PCDH7: variants seen among roughly 807,000 people sequenced by gnomAD.
PCDH7 encodes the protein protocadherin-7.
A neutral mutation model predicts 58.9 loss-of-function variants in PCDH7; 17 were observed. That is an observed-to-expected ratio of 0.29 (90% CI 0.20 to 0.43). PCDH7 has a LOEUF of 0.43. PCDH7 is among the 20% of genes least tolerant of loss of function. The pLI is 1.00. For missense variants in PCDH7, 1,274 were observed against 1,441.0 expected, an observed-to-expected ratio of 0.88 and a Z score of 1.88; for synonymous variants, 664 against 616.4, an observed-to-expected ratio of 1.08 and a Z score of -1.14.
At chr4:31,068,573 A>G (rs1758283476) in intron 3 of PCDH7, among the ~76,000 whole-genome samples, 1 of 151,898 alleles carries the variant, frequency 6.6e-6, no homozygotes, top group South Asian at 2.1e-4. Flanking sequence ...GCTGTGGCCA[A>G]ATTTTTCAGT....
intron 3 of PCDH7, among the ~76,000 whole-genome samples, chr4:31,043,073 A>G (rs1376701280): frequency 6.6e-6 from 1 of 152,080 alleles, no homozygotes; most frequent in Non-Finnish European, 1.5e-5. Context: ...TAATTCATGA[A>G]TCCGTGAATG....
chr4:30,985,691 C>A (rs563119739), intron 3 of PCDH7, among the ~76,000 whole-genome samples: 1 of 152,144 alleles, frequency 6.6e-6, no homozygotes, highest in African/African-American at 2.4e-5. Context: ...CCCATCAATA[C>A]GTAGTTGATC....
chr4:30,869,919 A>G (rs561211355), intron 1 of PCDH7, among the ~76,000 whole-genome samples: 46 of 152,210 alleles, frequency 3.0e-4, no homozygotes, highest in African/African-American at 1.1e-3. Context: ...AAGCGTTCCT[A>G]TTTCTCCACA....
intron 3 of PCDH7, among the ~76,000 whole-genome samples, chr4:30,959,259 T>A (rs1020904070): frequency 2.0e-5 from 3 of 149,852 alleles, no homozygotes; most frequent in African/African-American, 7.3e-5. Flanking sequence ...TTTTTTTTTT[T>A]AAGCCAAACA....
chr4:30,781,536 T>C lies in PCDH7; in HGVS notation c.70+56940T>C, dbSNP rs569587009. ...ATTCGTATAATATTTTCTATCTCTC[T>C]ATTTTTTTTTTTTTTTTGAGACGAA... On this transcript the variant is annotated intron_variant, in intron 1 of 3. Transcript: ENST00000509759. Among the ~76,000 whole-genome samples, 23 of 150,192 alleles carry C rather than the reference T, an allele frequency of 1.5e-4. No homozygotes were observed. In the East Asian group the frequency reaches 4.5e-3, roughly 30 times the overall value.
chr4:31,124,214 A>G (rs935250751), intron 3 of PCDH7, among the ~76,000 whole-genome samples: 1 of 152,166 alleles, frequency 6.6e-6, no homozygotes, highest in African/African-American at 2.4e-5. Flanking sequence ...CCTCCTGTCT[A>G]TATCAGTAGT....
At chr4:30,799,510 A>G (rs1182379176) in intron 1 of PCDH7, among the ~76,000 whole-genome samples, 2 of 152,312 alleles carry the variant, frequency 1.3e-5, no homozygotes, top group East Asian at 3.9e-4. Context: ...GGATTATGCT[A>G]TATCATAAAA....
chr4:30,930,117 C>A (rs185236612), intron 2 of PCDH7, among the ~76,000 whole-genome samples: 2 of 152,154 alleles, frequency 1.3e-5, no homozygotes, highest in Non-Finnish European at 2.9e-5. Context: ...GCATGAGAGG[C>A]ATTATATGGA....
intron 1 of PCDH7, among the ~76,000 whole-genome samples, chr4:30,745,973 G>A (rs916211941): frequency 1.3e-5 from 2 of 152,062 alleles, no homozygotes; most frequent in Non-Finnish European, 2.9e-5. Context: ...CCCAGTAGCT[G>A]GGATTACAGG....
At chr4:30,924,759 T>C (rs1743621029) in intron 2 of PCDH7, among the ~76,000 whole-genome samples, 1 of 151,018 alleles carries the variant, frequency 6.6e-6, no homozygotes, top group South Asian at 2.1e-4. Flanking sequence ...CATTTCACAA[T>C]AGAATAAGCA....
At chr4:30,865,725 C>T (rs1433175554) in intron 1 of PCDH7, among the ~76,000 whole-genome samples, 1 of 152,060 alleles carries the variant, frequency 6.6e-6, no homozygotes, top group Non-Finnish European at 1.5e-5. Flanking sequence ...TAGAAATATA[C>T]ATACCTTCTA....
chr4:30,850,575 T>C (rs1732599988), intron 1 of PCDH7, among the ~76,000 whole-genome samples: 1 of 152,114 alleles, frequency 6.6e-6, no homozygotes, highest in Non-Finnish European at 1.5e-5. Flanking sequence ...TTGTTGCTGA[T>C]ATTTCTAGTT....
intron 3 of PCDH7, among the ~76,000 whole-genome samples, chr4:31,037,168 G>A (rs1755478602): frequency 6.6e-6 from 1 of 151,896 alleles, no homozygotes; most frequent in Non-Finnish European, 1.5e-5. Context: ...TTATTTAATT[G>A]TCTCATGTTA....
chr4:30,801,227 A>G (rs1725486771), intron 1 of PCDH7, among the ~76,000 whole-genome samples: 1 of 152,200 alleles, frequency 6.6e-6, no homozygotes, highest in Non-Finnish European at 1.5e-5. Context: ...TTAGTTTTGA[A>G]CATTTTAATA....
At chr4:30,980,067 G>A (rs1045270342) in intron 3 of PCDH7, among the ~76,000 whole-genome samples, 2 of 152,096 alleles carry the variant, frequency 1.3e-5, no homozygotes, top group East Asian at 1.9e-4. Flanking sequence ...GACTAGCAAC[G>A]TTAACAGTTT....
chr4:31,113,836 T>C (rs1044490414), intron 3 of PCDH7, among the ~76,000 whole-genome samples: 13 of 145,280 alleles, frequency 8.9e-5, no homozygotes, highest in Non-Finnish European at 1.2e-4. Context: ...CCTTTCTTTT[T>C]TTTTTTTTTT....
At chr4:30,985,679 T>C (rs771203814) in intron 3 of PCDH7, among the ~76,000 whole-genome samples, 4 of 152,224 alleles carry the variant, frequency 2.6e-5, no homozygotes, top group Non-Finnish European at 5.9e-5. Flanking sequence ...ATAAAGTAGA[T>C]GCCCATCAAT....
At chr4:30,816,178 T>G (rs1727646348) in intron 1 of PCDH7, among the ~76,000 whole-genome samples, 1 of 152,190 alleles carries the variant, frequency 6.6e-6, no homozygotes, top group Non-Finnish European at 1.5e-5. Context: ...CTAGTTAAAT[T>G]AGGTGAAATG....
chr4:31,028,581 C>G (rs939018522), intron 3 of PCDH7, among the ~76,000 whole-genome samples: 2 of 151,598 alleles, frequency 1.3e-5, no homozygotes, highest in African/African-American at 4.9e-5. Flanking sequence ...AAGAGGATCA[C>G]TTGAGACCAG....
Sources: gnomAD v4.1 joint callset for allele counts (sites outside exome capture counted in the v4.1 genomes callset) on GRCh38, gnomAD v4.1.1 for gene constraint, MANE v1.5 for transcripts, NCBI Gene and HGNC (gene_info 2026-07-23, HGNC 2026-07-21) for gene names.